PDE6B: variants seen among roughly 807,000 people sequenced by gnomAD.
PDE6B encodes the protein rod cGMP-specific 3',5'-cyclic phosphodiesterase subunit beta.
PDE6B carries 106 observed loss-of-function variants against 109.0 expected under a neutral mutation model. The observed-to-expected ratio is 0.97, with a 90% CI of 0.83 to 1.14. The LOEUF (loss-of-function observed/expected upper bound fraction) is 1.14, where lower values mean the gene tolerates loss of function less well. Ranked by LOEUF, PDE6B falls within the 50% of genes most tolerant of loss-of-function variation. PDE6B has a pLI of 0.00. For synonymous variants in PDE6B, 490 were observed against 471.3 expected (o/e 1.04, Z -0.51); for missense variants, 1,193 against 1,155.6 (o/e 1.03, Z -0.47).
At chr4:628,202 A>G (rs532615177) in intron 1 of PDE6B, among the ~76,000 whole-genome samples, 63 of 152,370 alleles carry the variant, frequency 4.1e-4, no homozygotes, top group South Asian at 3.9e-3. Context: ...GCAAAGCCTC[A>G]TGAAGTGCAT....
chr4:640,023 A>G (rs71602490), intron 3 of PDE6B, among the ~76,000 whole-genome samples: 4,412 of 152,138 alleles, frequency 0.029, 63 homozygotes, highest in African/African-American at 0.039. Context: ...AGTGATGCTG[A>G]GACCAGGAGC....
chr4:656,179 G>T, intron 7 of PDE6B, 66 bp from the exon 8 acceptor site: 9 of 1,198,974 alleles, frequency 7.5e-6, no homozygotes, highest in Non-Finnish European at 1.1e-5. Flanking sequence ...GGCCACAGAG[G>T]CCATTTTAGA....
Position 626,635 on chromosome 4 carries a change from G to T in PDE6B, c.468+541G>T, listed in dbSNP as rs532091845. On this transcript the variant is annotated intron_variant, in intron 1 of 21. Coordinates refer to ENST00000496514, the MANE Select transcript of PDE6B (RefSeq NM_000283.4). The surrounding 1 kb of genome is among the most constrained non-coding windows in gnomAD (Gnocchi z 4.6). Reference sequence around the variant, plus strand: ...TATCCCATGGGAGCCCACGCCAGCCGCCAGGGGAGAACAAACCTGGTAGCC... The same window carrying T: ...TATCCCATGGGAGCCCACGCCAGCCTCCAGGGGAGAACAAACCTGGTAGCC... Among the ~76,000 whole-genome samples the T allele has an allele frequency of 4.5e-4, 68 of 152,332 alleles. No homozygotes were observed. Among genetic ancestry groups the T allele is most frequent in the African/African-American group, 1.4e-3 (59 of 41,584 alleles).
In PDE6B at chr4:660,426, G is replaced by A. The variant is rs756375258; in HGVS notation, c.1468-41G>A. 3.1e-6 allele frequency: 5 copies of A among 1,608,518 alleles called. No individual in the cohort carries two copies. The South Asian group carries it at 5.5e-5, about 18-fold the overall frequency. ...AAAGGATGAGAAGCAAGTGGGGGCT[G>A]TGGCAGGCCAACCTCCCTCAGCCCA... is the stretch of plus-strand genomic sequence containing the variant. On this transcript the variant is annotated intron_variant, in intron 11 of 21. Transcript: ENST00000496514.
In PDE6B at chr4:626,828, A is replaced by G. The variant is rs1277808878; in HGVS notation, c.468+734A>G. Among the ~76,000 whole-genome samples the G allele has an allele frequency of 6.6e-6, 1 of 152,216 alleles. No homozygotes were observed. The highest frequency in any genetic ancestry group is 1.5e-5 in the Non-Finnish European group (1 of 68,032). On this transcript the variant is annotated intron_variant, in intron 1 of 21. Transcript: ENST00000496514. The surrounding 1 kb of genome is among the most constrained non-coding windows in gnomAD (Gnocchi z 4.6). Reference sequence around the variant, plus strand: ...GCGGTCCTGGCGGGACTGGAGAACAAGAGGGGTGTGAGGTGCCTGCCAGAC... The same window carrying G: ...GCGGTCCTGGCGGGACTGGAGAACAGGAGGGGTGTGAGGTGCCTGCCAGAC...
intron 1 of PDE6B, among the ~76,000 whole-genome samples, chr4:629,574 G>C (rs1010833285): frequency 1.3e-5 from 2 of 152,268 alleles, no homozygotes; most frequent in South Asian, 2.1e-4. Flanking sequence ...CCGGGACCCT[G>C]GTGGGTCCCC....
chr4:634,554 G>T, intron 1 of PDE6B, 123 bp from the exon 2 acceptor site: 1 of 847,198 alleles, frequency 1.2e-6, no homozygotes, highest in South Asian at 1.3e-5. Flanking sequence ...GCCCAGCAGG[G>T]CCCCTGGGCA....
chr4:664,393 C>T (rs1346838071), intron 17 of PDE6B, among the ~76,000 whole-genome samples, 172 bp downstream of exon 17: 1 of 152,182 alleles, frequency 6.6e-6, no homozygotes, highest in East Asian at 1.9e-4. Flanking sequence ...CCCCCCAGCT[C>T]TCAGGGAGAT....
At chr4:631,100 C>T (rs1157125955) in intron 1 of PDE6B, among the ~76,000 whole-genome samples, 2 of 152,186 alleles carry the variant, frequency 1.3e-5, no homozygotes, top group South Asian at 2.1e-4. Context: ...TTACAGAGTC[C>T]TGAGTGCGCT....
Position 626,167 on chromosome 4 carries a change from G to A in PDE6B, c.468+73G>A. 1.1e-6 allele frequency: 1 copy of A among 948,052 alleles called. No homozygotes were observed. The highest frequency in any genetic ancestry group is 1.6e-6 in the Non-Finnish European group (1 of 607,510). 58.7% of individuals were successfully genotyped at this position (948,052 alleles called of 1,614,324 possible). On this transcript the variant is annotated intron_variant, in intron 1 of 21. Transcript: ENST00000496514. The surrounding 1 kb of genome is among the most constrained non-coding windows in gnomAD (Gnocchi z 4.6). ...ACCTGTCCCAGGTGTCTAAGGGTCA[G>A]CTCGGATCCTCAGGCCTCCAGGGAG...
At chr4:667,825 G>A (rs768289117) in intron 20 of PDE6B, 31 bp from the exon 21 acceptor site, 2 of 1,608,592 alleles carry the variant, frequency 1.2e-6, no homozygotes, top group Non-Finnish European at 1.7e-6. Context: ...AGGCAGGACA[G>A]GACTGGTGGT....
chr4:658,738 C>T (rs936810636), intron 10 of PDE6B, among the ~76,000 whole-genome samples: 1 of 152,142 alleles, frequency 6.6e-6, no homozygotes, highest in African/African-American at 2.4e-5. Context: ...CTGAGGACTG[C>T]GTAAGGCAGT....
rs141074641 is a variant in PDE6B, at chr4:659,327, A to C, written c.1467+310A>C. 3.4e-4 allele frequency among the ~76,000 whole-genome samples: 52 copies of C among 152,050 alleles called. No individual in the cohort carries two copies. The Middle Eastern group carries it at 0.01, about 30-fold the overall frequency. On this transcript the variant is annotated intron_variant, in intron 11 of 21. Transcript: ENST00000496514. ...GTGCTTTGCCAGATGTTTAGTTTTC[A>C]CCGGATGTTTAGTGGGCCTGACTTG...
chr4:627,150 GTT>G (rs553192612), intron 1 of PDE6B, among the ~76,000 whole-genome samples: 2 of 143,196 alleles, frequency 1.4e-5, no homozygotes. Flanking sequence ...TCGTTTGTGG[GTT>G]TTTTTTTTTT....
In PDE6B at chr4:666,581, C is replaced by T. The variant is rs1222406397; in HGVS notation, c.2319C>T (p.Gly773=). Residue 773 remains glycine, a synonymous_variant, in exon 20 of 22, where the codon GGC becomes GGT. Coordinates refer to ENST00000496514, the MANE Select transcript of PDE6B (RefSeq NM_000283.4). The surrounding 1 kb of genome is among the most constrained non-coding windows in gnomAD (Gnocchi z 5.6). The part of the protein sequence containing the change: ...KAAELPKLQV[G]FIDFVCTFVY... ...CCGAGCTCCCCAAGCTGCAAGTGGGCTTCATCGACTTCGTGTGCACATTCG... is the reference window on the plus strand; with the variant it reads ...CCGAGCTCCCCAAGCTGCAAGTGGGTTTCATCGACTTCGTGTGCACATTCG... 5 of 1,612,534 alleles carry T rather than the reference C, an allele frequency of 3.1e-6. No homozygotes were observed. The African/African-American group carries it at 4.0e-5, about 13-fold the overall frequency.
Position 662,654 on chromosome 4 carries a change from A to G in PDE6B, c.1832+36A>G, listed in dbSNP as rs980352631. On this transcript the variant is annotated intron_variant, in intron 14 of 21. Coordinates refer to ENST00000496514, the MANE Select transcript of PDE6B (RefSeq NM_000283.4). This position sits in a 1 kb window ranked among gnomAD's most constrained non-coding sequence, Gnocchi z 4.3. ...CAGGGCGGGCATGTGAATTAGCCCT[A>G]AATCAACTCCACGCCCTTGGCGTGA... The G allele has an allele frequency of 7.9e-6, 10 of 1,271,942 alleles. No individual in the cohort carries two copies. The highest frequency in any genetic ancestry group is 2.9e-5 in the African/African-American group (2 of 68,414). The allele number at this position is 1,271,942 out of a possible 1,614,324, so 78.8% of individuals were successfully genotyped here.
In PDE6B at chr4:628,274, G is replaced by T. The variant is rs570934053; in HGVS notation, c.468+2180G>T. ...TCATGTCTCAGTTTACAGAAGGGGGGACTGAGGCAGAGCACACCTCAGTCT... is the reference window on the plus strand; with the variant it reads ...TCATGTCTCAGTTTACAGAAGGGGGTACTGAGGCAGAGCACACCTCAGTCT... On this transcript the variant is annotated intron_variant, in intron 1 of 21. Coordinates refer to ENST00000496514, the MANE Select transcript of PDE6B (RefSeq NM_000283.4). Among the ~76,000 whole-genome samples the T allele has an allele frequency of 7.2e-5, 11 of 152,312 alleles. No individual in the cohort carries two copies. In the East Asian group the frequency reaches 1.9e-3, roughly 27 times the overall value.
rs1325944358 is a variant in PDE6B at position 663,934 on chromosome 4, CACGGGGGCGCA to C, written c.2021+65_2021+75del. 26 of 1,258,910 alleles carry C rather than the reference CACGGGGGCGCA, an allele frequency of 2.1e-5. No individual in the cohort carries two copies. The highest frequency in any genetic ancestry group is 5.6e-6 in the Non-Finnish European group (5 of 889,612). The allele number at this position is 1,258,910 out of a possible 1,614,324, so 78.0% of individuals were successfully genotyped here. A position where few individuals can be genotyped will look rare whatever the true frequency, so the allele number is the denominator to read the frequency against. On this transcript the variant is annotated intron_variant, in intron 16 of 21. Coordinates refer to ENST00000496514, the MANE Select transcript of PDE6B (RefSeq NM_000283.4). The surrounding 1 kb of genome is among the most constrained non-coding windows in gnomAD (Gnocchi z 4.0). ...CGGGTAGCCTGGGACCCCCGGCAGA[CACGGGGGCGCA>C]GCGGCGGCACAGCCCGGGGGACGCA...
In PDE6B at chr4:662,085, GGA is replaced by G; in HGVS notation, c.1615-48_1615-47del. ...GTCAGCCACAGGTGCCGCTCTGGCG[GGA>G]CTTACACGCTTGCCGCCGGAGCCCT... On this transcript the variant is annotated intron_variant, in intron 12 of 21. Coordinates refer to ENST00000496514, the MANE Select transcript of PDE6B (RefSeq NM_000283.4). The surrounding 1 kb of genome is among the most constrained non-coding windows in gnomAD (Gnocchi z 4.3). The G allele has an allele frequency of 1.1e-6, 1 of 883,966 alleles. No homozygotes were observed. The highest frequency in any genetic ancestry group is 1.9e-6 in the Non-Finnish European group (1 of 537,588). The allele number at this position is 883,966 out of a possible 1,614,324, so 54.8% of individuals were successfully genotyped here. A position where few individuals can be genotyped will look rare whatever the true frequency, so the allele number is the denominator to read the frequency against.
Sources: allele counts gnomAD v4.1 joint callset (sites outside exome capture counted in the v4.1 genomes callset), GRCh38; gene constraint gnomAD v4.1.1; non-coding constraint Gnocchi (gnomAD v3.1); transcripts MANE v1.5; gene names NCBI Gene and HGNC (gene_info 2026-07-23, HGNC 2026-07-21).